Variants in SLC5A1 observed in about 807,000 individuals in gnomAD.
SLC5A1 encodes the protein solute carrier family 5 member 1.
A neutral mutation model predicts 73.5 loss-of-function variants in SLC5A1; 42 were observed. The ratio of observed to expected loss-of-function variants is 0.57; its 90% CI spans 0.45 to 0.74. The LOEUF is 0.74. Ranked by LOEUF, SLC5A1 falls within the 30% of genes least tolerant of loss-of-function variation. The pLI is 0.00. For synonymous variants in SLC5A1, 300 were observed against 317.4 expected (o/e 0.95, Z 0.58); for missense variants, 634 against 855.4 (o/e 0.74, Z 3.23).
At chr22:32,057,715 T>C (rs946636154) in intron 2 of SLC5A1, among the ~76,000 whole-genome samples, 1 of 152,208 alleles carries the variant, frequency 6.6e-6, no homozygotes, top group African/African-American at 2.4e-5. Context: ...CATTGGAAAA[T>C]AACAAGGTCA....
At chr22:32,044,478 C>G (rs2093934461) in intron 1 of SLC5A1, among the ~76,000 whole-genome samples, 1 of 150,750 alleles carries the variant, frequency 6.6e-6, no homozygotes, top group Non-Finnish European at 1.5e-5. Flanking sequence ...ATGAACACTT[C>G]TGTGGACACA....
At position 32,051,882 on chromosome 22, in the gene SLC5A1, T is replaced by G. The variant is rs150060790; in HGVS notation, c.207+1868T>G. Among the ~76,000 whole-genome samples the G allele has an allele frequency of 1.4e-3, 210 of 152,340 alleles. 2 individuals are homozygous for G. Among genetic ancestry groups the G allele is most frequent in the African/African-American group, 4.7e-3 (197 of 41,586 alleles). ...AGGAAAATGGATGAATGAATGGATGTGGCTGACTTTATTTGCAAAAATAGG... is the reference window on the plus strand; with the variant it reads ...AGGAAAATGGATGAATGAATGGATGGGGCTGACTTTATTTGCAAAAATAGG... On this transcript the variant is annotated intron_variant, in intron 2 of 14. Transcript: ENST00000266088.
chr22:32,088,894 T>C (rs1341214468), intron 10 of SLC5A1, among the ~76,000 whole-genome samples: 1 of 152,236 alleles, frequency 6.6e-6, no homozygotes, highest in African/African-American at 2.4e-5. Context: ...CTCCCACCAA[T>C]CCACACCAAC....
In SLC5A1 at chr22:32,054,171, TA is replaced by T. The variant is rs944750678; in HGVS notation, c.207+4166del. On this transcript the variant is annotated intron_variant, in intron 2 of 14. Coordinates refer to ENST00000266088, the MANE Select transcript of SLC5A1 (RefSeq NM_000343.4). ...TTGGGCAACAGAGCAAGATTCCATC[TA>T]AAAAAAAATAAAATAGTAATTGTTT... Among the ~76,000 whole-genome samples, 10 of 151,310 alleles carry T rather than the reference TA, an allele frequency of 6.6e-5. No homozygotes were observed. In the South Asian group the frequency reaches 1.9e-3, roughly 29 times the overall value.
chr22:32,089,860 C>T (rs2094014149), intron 10 of SLC5A1, among the ~76,000 whole-genome samples: 1 of 152,104 alleles, frequency 6.6e-6, no homozygotes, highest in South Asian at 2.1e-4. Context: ...GGCCTTCTAG[C>T]CTCAGCAGGT....
chr22:32,050,643 A>G (rs1200421063), intron 2 of SLC5A1, among the ~76,000 whole-genome samples: 1 of 152,224 alleles, frequency 6.6e-6, no homozygotes, highest in African/African-American at 2.4e-5. Context: ...GAAGATTCAG[A>G]AACTCTGGAA....
chr22:32,051,015 T>G (rs959054969), intron 2 of SLC5A1, among the ~76,000 whole-genome samples: 1 of 152,194 alleles, frequency 6.6e-6, no homozygotes, highest in African/African-American at 2.4e-5. Flanking sequence ...GCTCAGGGGC[T>G]GAGCTTCGAA....
At chr22:32,063,375 T>A (rs2093966803) in intron 2 of SLC5A1, among the ~76,000 whole-genome samples, 1 of 152,218 alleles carries the variant, frequency 6.6e-6, no homozygotes, top group Non-Finnish European at 1.5e-5. Context: ...ATTATTTCAT[T>A]TGACTCCTGC....
chr22:32,053,699 A>G (rs2093947968), intron 2 of SLC5A1, among the ~76,000 whole-genome samples: 1 of 152,182 alleles, frequency 6.6e-6, no homozygotes, highest in Admixed American at 6.5e-5. Flanking sequence ...TGTAATCCGT[A>G]TTTCTGGTTG....
chr22:32,077,335 CCT>C (rs1180483649), intron 5 of SLC5A1, among the ~76,000 whole-genome samples: 5 of 150,146 alleles, frequency 3.3e-5, no homozygotes, highest in African/African-American at 9.8e-5. Flanking sequence ...CCTCTCTCCC[CCT>C]TTTTTCACTT....
chr22:32,094,044 CAT>C (rs1234038644), intron 11 of SLC5A1, among the ~76,000 whole-genome samples: 3 of 152,042 alleles, frequency 2.0e-5, no homozygotes, highest in African/African-American at 4.8e-5. Context: ...GTATTTTAAT[CAT>C]AAATGGATGC....
intron 2 of SLC5A1, among the ~76,000 whole-genome samples, chr22:32,061,563 C>G (rs1006440414): frequency 6.6e-6 from 1 of 152,150 alleles, no homozygotes; most frequent in Non-Finnish European, 1.5e-5. Context: ...AGTGATAGAG[C>G]CATTGTGTCT....
At chr22:32,091,546 A>G (rs769612992) in intron 10 of SLC5A1, 66 bp from the exon 11 acceptor site, 120 of 1,577,008 alleles carry the variant, frequency 7.6e-5, no homozygotes, top group Non-Finnish European at 8.7e-5. Context: ...GAGTCCTCAT[A>G]TATTTTTCAA....
In SLC5A1 at chr22:32,110,453, C is replaced by A. The variant is rs2094054529; in HGVS notation, c.*240C>A. 1 of 553,806 alleles carries A rather than the reference C, an allele frequency of 1.8e-6. No homozygotes were observed. Among genetic ancestry groups the A allele is most frequent in the South Asian group, 2.0e-5 (1 of 50,512 alleles). The allele number at this position is 553,806 out of a possible 1,614,324, so 34.3% of individuals were successfully genotyped here. A position where few individuals can be genotyped will look rare whatever the true frequency, so the allele number is the denominator to read the frequency against. ...TGGAGCTGCAGAAGGGAAGTCCACT[C>A]AGTCACATCCAGAAAAAGGCAGACT... is the stretch of plus-strand genomic sequence containing the variant. On this transcript the variant is annotated 3_prime_UTR_variant, in exon 15 of 15. Coordinates refer to ENST00000266088, the MANE Select transcript of SLC5A1 (RefSeq NM_000343.4).
rs756414305 is a variant in SLC5A1 at position 32,083,086 on chromosome 22, C to T, written c.596C>T (p.Ala199Val). 9 of 1,614,002 alleles carry T rather than the reference C, an allele frequency of 5.6e-6. No homozygotes were observed. Among genetic ancestry groups the T allele is most frequent in the South Asian group, 1.1e-5 (1 of 91,080 alleles). The change falls in exon 7 of 15, where the codon GCG (alanine) becomes GTG (valine). Residue 199 changes from alanine (A) to valine (V), a missense_variant. By Grantham distance (64) the Ala-to-Val change is moderately conservative. Coordinates refer to ENST00000266088, the MANE Select transcript of SLC5A1 (RefSeq NM_000343.4). ...ALYTITGGLAAVIYTDTLQTV... is the reference protein window; with the variant it reads ...ALYTITGGLAVVIYTDTLQTV... ...CTTGCCTGCTTAGGGGGCCTGGCGG[C>T]GGTGATTTACACGGACACCTTGCAG... is the stretch of plus-strand genomic sequence containing the variant.
intron 10 of SLC5A1, among the ~76,000 whole-genome samples, chr22:32,089,461 TGAAGTTTAATA>T (rs754103522): frequency 2.1e-4 from 32 of 152,200 alleles, no homozygotes; most frequent in Non-Finnish European, 4.1e-4. Context: ...TCTAACCAGC[TGAAGTTTAATA>T]GAGGTATAAG....
At chr22:32,044,633 G>A (rs2093934773) in intron 1 of SLC5A1, among the ~76,000 whole-genome samples, 1 of 151,838 alleles carries the variant, frequency 6.6e-6, no homozygotes, top group Non-Finnish European at 1.5e-5. Flanking sequence ...CCCAGACATA[G>A]TGGAAACTGA....
At position 32,055,286 on chromosome 22, in the gene SLC5A1, G is replaced by A. The variant is rs188730460; in HGVS notation, c.207+5272G>A. Among the ~76,000 whole-genome samples, 656 of 152,296 alleles carry A rather than the reference G, an allele frequency of 4.3e-3. 1 individual carries two copies. Among genetic ancestry groups the A allele is most frequent in the Non-Finnish European group, 7.2e-3 (492 of 68,024 alleles). ...GAGACTGTGATGACTCTGGAACAAAGCCTGTGCCTAAATATTTACTAGAGT... is the reference window on the plus strand; with the variant it reads ...GAGACTGTGATGACTCTGGAACAAAACCTGTGCCTAAATATTTACTAGAGT... On this transcript the variant is annotated intron_variant, in intron 2 of 14. Coordinates refer to ENST00000266088, the MANE Select transcript of SLC5A1 (RefSeq NM_000343.4).
At chr22:32,046,110 T>C (rs1002928531) in intron 1 of SLC5A1, among the ~76,000 whole-genome samples, 2 of 152,176 alleles carry the variant, frequency 1.3e-5, no homozygotes, top group Non-Finnish European at 2.9e-5. Flanking sequence ...AATGATTGAA[T>C]TGGAATGGCC....
Sources: gnomAD v4.1 joint callset for allele counts (sites outside exome capture counted in the v4.1 genomes callset) on GRCh38, gnomAD v4.1.1 for gene constraint, MANE v1.5 for transcripts, NCBI Gene and HGNC (gene_info 2026-07-23, HGNC 2026-07-21) for gene names.